Variants in KCNQ5 observed in about 807,000 individuals in gnomAD.
KCNQ5 encodes the protein potassium voltage-gated channel subfamily Q member 5.
A neutral mutation model predicts 98.2 loss-of-function variants in KCNQ5; 30 were observed. The ratio of observed to expected loss-of-function variants is 0.31; its 90% CI spans 0.23 to 0.41. KCNQ5 has a LOEUF of 0.41. Ranked by LOEUF, KCNQ5 falls within the 10% of genes least tolerant of loss-of-function variation. KCNQ5 has a pLI of 1.00. For missense variants in KCNQ5, 835 were observed against 1,182.5 expected, an observed-to-expected ratio of 0.71 and a Z score of 4.31; for synonymous variants, 458 against 449.4, an observed-to-expected ratio of 1.02 and a Z score of -0.24.
chr6:72,661,442 T>C (rs888141825), intron 1 of KCNQ5, among the ~76,000 whole-genome samples: 2 of 152,190 alleles, frequency 1.3e-5, no homozygotes, highest in Admixed American at 6.6e-5. Context: ...GGAGGTACTC[T>C]AGAAAAATAT....
chr6:73,150,158 A>G (rs1204408032), intron 10 of KCNQ5, among the ~76,000 whole-genome samples: 2 of 152,086 alleles, frequency 1.3e-5, no homozygotes, highest in Admixed American at 1.3e-4. Context: ...ACTACAGGAG[A>G]TATCACTACA....
chr6:72,822,092 C>T (rs1399399861), intron 1 of KCNQ5, among the ~76,000 whole-genome samples: 1 of 152,134 alleles, frequency 6.6e-6, no homozygotes, highest in African/African-American at 2.4e-5. Context: ...TCTTTTCCCT[C>T]AAGGGATCTT....
chr6:73,190,450 C>A, intron 11 of KCNQ5, 123 bp from the exon 12 acceptor site: 1 of 460,676 alleles, frequency 2.2e-6, no homozygotes, highest in Non-Finnish European at 3.6e-6. Context: ...TCTGCAGAAG[C>A]CAAAAATAAT....
intron 10 of KCNQ5, among the ~76,000 whole-genome samples, chr6:73,165,282 G>A (rs1777751458): frequency 6.6e-6 from 1 of 152,142 alleles, no homozygotes; most frequent in Non-Finnish European, 1.5e-5. Flanking sequence ...ACCATGCCCA[G>A]CTGTACTGGG....
At chr6:72,934,137 T>G (rs57695167) in intron 1 of KCNQ5, among the ~76,000 whole-genome samples, 2,193 of 152,252 alleles carry the variant, frequency 0.014, 51 homozygotes, top group South Asian at 0.068. Context: ...AGATCCTACT[T>G]TAGCTTGAGT....
chr6:72,715,800 A>G (rs77661114), intron 1 of KCNQ5, among the ~76,000 whole-genome samples: 2,032 of 152,284 alleles, frequency 0.013, 33 homozygotes, highest in African/African-American at 0.042. Flanking sequence ...TCCGATACTA[A>G]CTAGGATAAT....
intron 10 of KCNQ5, among the ~76,000 whole-genome samples, chr6:73,162,553 A>G (rs6939575): frequency 0.66 from 100,498 of 151,986 alleles, 34,142 homozygotes; most frequent in East Asian, 0.89. Context: ...AGAGAGGCAA[A>G]TGTGTAGTTG....
At chr6:72,687,211 T>C (rs994568467) in intron 1 of KCNQ5, among the ~76,000 whole-genome samples, 1 of 152,218 alleles carries the variant, frequency 6.6e-6, no homozygotes. Flanking sequence ...CAATATTGAT[T>C]GCTCTCTGCT....
chr6:72,770,706 A>G (rs141003422), intron 1 of KCNQ5, among the ~76,000 whole-genome samples: 217 of 152,248 alleles, frequency 1.4e-3, no homozygotes, highest in African/African-American at 4.8e-3. Context: ...CTAGTCTGTT[A>G]TTAATACTAA....
In KCNQ5 at chr6:72,996,596, A is replaced by G. The variant is rs183599180; in HGVS notation, c.399-7312A>G. The stretch of plus-strand genomic sequence containing the variant: ...CCTGTGGTGTGGTAGGAAAAGTACA[A>G]CAAATTAAGTGATTGCATATACTTG... On this transcript the variant is annotated intron_variant, in intron 1 of 13. Transcript: ENST00000370398. Among the ~76,000 whole-genome samples the G allele has an allele frequency of 1.7e-3, 259 of 152,344 alleles. No homozygotes were observed. In the Middle Eastern group the frequency reaches 0.031, roughly 18 times the overall value.
chr6:72,796,095 T>A (rs1774323146), intron 1 of KCNQ5, among the ~76,000 whole-genome samples: 1 of 152,178 alleles, frequency 6.6e-6, no homozygotes, highest in Non-Finnish European at 1.5e-5. Flanking sequence ...AGAGAAGTAT[T>A]TATAATAGAA....
intron 1 of KCNQ5, among the ~76,000 whole-genome samples, chr6:72,892,500 T>C (rs1779096177): frequency 6.6e-6 from 1 of 152,184 alleles, no homozygotes; most frequent in South Asian, 2.1e-4. Context: ...ACTACAGATG[T>C]ACCTCTCTGG....
At chr6:72,973,690 T>C (rs941575595) in intron 1 of KCNQ5, among the ~76,000 whole-genome samples, 2 of 152,246 alleles carry the variant, frequency 1.3e-5, no homozygotes, top group East Asian at 3.9e-4. Context: ...AAGACAAAGA[T>C]CAAATACTCT....
At chr6:72,802,763 GC>G (rs1188981416) in intron 1 of KCNQ5, among the ~76,000 whole-genome samples, 7 of 152,046 alleles carry the variant, frequency 4.6e-5, no homozygotes, top group African/African-American at 1.7e-4. Flanking sequence ...TAGAGCAGAG[GC>G]CTGAATTCAG....
chr6:73,058,591 A>G (rs1159397470), intron 3 of KCNQ5, among the ~76,000 whole-genome samples: 1 of 152,254 alleles, frequency 6.6e-6, no homozygotes, highest in Non-Finnish European at 1.5e-5. Context: ...CAGCTTCTGC[A>G]CAGCAAAAGA....
intron 11 of KCNQ5, among the ~76,000 whole-genome samples, chr6:73,177,593 A>G (rs574564281): frequency 6.6e-6 from 1 of 152,222 alleles, no homozygotes; most frequent in South Asian, 2.1e-4. Context: ...AATACTCCGC[A>G]AGTAAAGAAG....
chr6:72,767,451 CA>C (rs1160343409), intron 1 of KCNQ5, among the ~76,000 whole-genome samples: 1 of 151,614 alleles, frequency 6.6e-6, no homozygotes, highest in African/African-American at 2.4e-5. Flanking sequence ...AATATGACAC[CA>C]AAAACCCAGC....
intron 10 of KCNQ5, among the ~76,000 whole-genome samples, chr6:73,161,163 T>G (rs1777603378): frequency 6.6e-6 from 1 of 152,172 alleles, no homozygotes; most frequent in Non-Finnish European, 1.5e-5. Flanking sequence ...TGCAGCAACA[T>G]GGATAGGACT....
intron 5 of KCNQ5, among the ~76,000 whole-genome samples, chr6:73,079,049 C>T (rs1773653136): frequency 6.6e-6 from 1 of 152,138 alleles, no homozygotes; most frequent in Non-Finnish European, 1.5e-5. Flanking sequence ...CGCCTGTAAT[C>T]CAAGCACTTT....
Sources: allele counts gnomAD v4.1 joint callset (sites outside exome capture counted in the v4.1 genomes callset), GRCh38; gene constraint gnomAD v4.1.1; transcripts MANE v1.5; gene names NCBI Gene and HGNC (gene_info 2026-07-23, HGNC 2026-07-21).